The following GPRC5C variants were observed in gnomAD, a reference collection of about 807,000 sequenced individuals.
The protein encoded by GPRC5C is G protein-coupled receptor family C group 5 member C.
In GPRC5C, 22 loss-of-function variants were observed where a neutral mutation model predicts 31.4. That is an observed-to-expected ratio of 0.70 (90% CI 0.50 to 1.00). The LOEUF (loss-of-function observed/expected upper bound fraction) is 1.00, where lower values mean the gene tolerates loss of function less well. Ranked by LOEUF, GPRC5C falls within the 50% of genes least tolerant of loss-of-function variation. The pLI is 0.00. For missense variants in GPRC5C, 557 were observed against 597.2 expected, an observed-to-expected ratio of 0.93 and a Z score of 0.70; for synonymous variants, 249 against 257.5, an observed-to-expected ratio of 0.97 and a Z score of 0.32.
intron 1 of GPRC5C, 84 bp downstream of exon 1, chr17:74,432,225 T>TA (rs1452155301): frequency 1.3e-6 from 2 of 1,549,338 alleles, no homozygotes; most frequent in African/African-American, 2.7e-5. Flanking sequence ...GGCGCCCGAT[T>TA]AGCGCCCTGA....
chr17:74,443,900 G>GCACA lies in GPRC5C; in HGVS notation c.1135_1138dup (p.Lys380ThrfsTer33), dbSNP rs1567963534. 6.2e-7 allele frequency: 1 copy of GCACA among 1,610,674 alleles called. No individual in the cohort carries two copies. The highest frequency in any genetic ancestry group is 1.1e-5 in the South Asian group (1 of 90,916). Reference sequence around the variant, plus strand: ...ACCAGCCCACTGAGATGGCCCTGATGCACAAAGTTCCGGTAAGTGGGTTCC... The same window carrying GCACA: ...ACCAGCCCACTGAGATGGCCCTGATGCACACACAAAGTTCCGGTAAGTGGGTTCC... On this transcript the variant is annotated frameshift_variant, in exon 3 of 4. Coordinates refer to ENST00000392627, the MANE Select transcript of GPRC5C (RefSeq NM_022036.4). LOFTEE classifies it high-confidence loss of function.
chr17:74,439,998 C>A lies in GPRC5C; in HGVS notation c.222C>A (p.Ser74Arg). ...TGCTCACCATCATCCTGGTGGCCAG[C>A]CTCCCCTTTGTGCAGGACACCAAGA... is the stretch of plus-strand genomic sequence containing the variant. ...TFVLTIILVA[S>R]LPFVQDTKKR... Residue 74 changes from serine to arginine, a missense_variant, in exon 2 of 4, where the codon AGC (serine) becomes AGA (arginine). By Grantham distance (110) the Ser-to-Arg change is moderately radical. Coordinates refer to ENST00000392627, the MANE Select transcript of GPRC5C (RefSeq NM_022036.4). The A allele has an allele frequency of 6.2e-7, 1 of 1,609,836 alleles. No individual in the cohort carries two copies. Among genetic ancestry groups the A allele is most frequent in the Non-Finnish European group, 8.5e-7 (1 of 1,180,010 alleles).
chr17:74,449,065 G>A (rs7214092), downstream of GPRC5C: 37,141 of 401,448 alleles, frequency 0.093, 3,014 homozygotes, highest in African/African-American at 0.27. Context: ...TTTCTCCCCA[G>A]CTAGTCAGAA....
At chr17:74,438,636 C>A (rs1394743498) in intron 1 of GPRC5C, among the ~76,000 whole-genome samples, 2 of 151,990 alleles carry the variant, frequency 1.3e-5, no homozygotes, top group Non-Finnish European at 2.9e-5. Context: ...TGGACTCTAG[C>A]AATCTGTTCA....
chr17:74,443,375 G>A (rs2055573438), intron 2 of GPRC5C: 1 of 333,062 alleles, frequency 3.0e-6, no homozygotes, highest in Admixed American at 4.2e-5. Context: ...TAGGCCGAGG[G>A]CTCTCAGATG....
At chr17:74,436,458 C>T (rs2055432514) in intron 1 of GPRC5C, among the ~76,000 whole-genome samples, 1 of 152,192 alleles carries the variant, frequency 6.6e-6, no homozygotes, top group Admixed American at 6.5e-5. Context: ...TTCTGTGTTC[C>T]TGTAGCCCCT....
At chr17:74,450,321 A>G (rs1412224751), downstream of GPRC5C, 1 of 152,282 alleles carries the variant, frequency 6.6e-6, no homozygotes, top group Non-Finnish European at 1.5e-5. Flanking sequence ...TGGCTATTCC[A>G]ACATCTCTGG....
chr17:74,442,639 A>G (rs2055558481), intron 2 of GPRC5C, among the ~76,000 whole-genome samples: 1 of 152,234 alleles, frequency 6.6e-6, no homozygotes, highest in Admixed American at 6.5e-5. Flanking sequence ...CTGGGAGGTC[A>G]GAGTCAGGCA....
intron 1 of GPRC5C, among the ~76,000 whole-genome samples, chr17:74,437,094 C>A (rs993388464): frequency 1.3e-5 from 2 of 152,168 alleles, no homozygotes; most frequent in African/African-American, 4.8e-5. Flanking sequence ...CAGGCGCACG[C>A]CACCACACCT....
Position 74,440,119 on chromosome 17 carries a change from A to T in GPRC5C, c.343A>T (p.Thr115Ser), listed in dbSNP as rs1410150133. ...FACVVKPDFS[T>S]CASRRFLFGV... ...CTGTGTGGTGAAGCCCGACTTCTCC[A>T]CCTGTGCCTCTCGGCGCTTCCTCTT... Residue 115 changes from threonine (T) to serine (S), a missense_variant, in exon 2 of 4, where the codon ACC becomes TCC. Thr to Ser is a moderately conservative substitution (Grantham distance 58). Transcript: ENST00000392627. This position sits in a 1 kb window ranked among gnomAD's most constrained non-coding sequence, Gnocchi z 4.4. 1 of 1,613,606 alleles carries T rather than the reference A, an allele frequency of 6.2e-7. No individual in the cohort carries two copies. The highest frequency in any genetic ancestry group is 1.7e-5 in the Admixed American group (1 of 59,988).
downstream of GPRC5C, among the ~76,000 whole-genome samples, chr17:74,447,906 G>A (rs945495897): frequency 3.3e-5 from 5 of 152,364 alleles, no homozygotes; most frequent in East Asian, 1.9e-4. Context: ...CGTGTGATAC[G>A]TGCAAAGGAA....
rs1010979063 is a variant in GPRC5C, at chr17:74,441,232, G to A, written c.1051+405G>A. ...GCGGAGGTTGCAGTGAGCCAAAATCGAGCCACTACACTCCAGCCTGGGTGA... is the reference window on the plus strand; with the variant it reads ...GCGGAGGTTGCAGTGAGCCAAAATCAAGCCACTACACTCCAGCCTGGGTGA... On this transcript the variant is annotated intron_variant, in intron 2 of 3. Transcript: ENST00000392627. Among the ~76,000 whole-genome samples, 18 of 151,862 alleles carry A rather than the reference G, an allele frequency of 1.2e-4. No individual in the cohort carries two copies. The East Asian group carries it at 2.7e-3, about 23-fold the overall frequency.
chr17:74,439,900 C>T lies in GPRC5C; in HGVS notation c.124C>T (p.Leu42=), dbSNP rs140777720. 5 of 1,612,892 alleles carry T rather than the reference C, an allele frequency of 3.1e-6. No homozygotes were observed. In the African/African-American group the frequency reaches 5.3e-5, roughly 17 times the overall value. The change falls in exon 2 of 4, where the codon CTG becomes TTG. Residue 42 remains leucine (L), a synonymous_variant. Coordinates refer to ENST00000392627, the MANE Select transcript of GPRC5C (RefSeq NM_022036.4). ...AGGCCTCAACCCCCTGTACTACAACCTGTGTGACCGCTCTGGGGCGTGGGG... is the reference window on the plus strand; with the variant it reads ...AGGCCTCAACCCCCTGTACTACAACTTGTGTGACCGCTCTGGGGCGTGGGG... ...SQGLNPLYYN[L]CDRSGAWGIV...
chr17:74,437,786 A>T (rs1437702345), intron 1 of GPRC5C, among the ~76,000 whole-genome samples: 1 of 152,074 alleles, frequency 6.6e-6, no homozygotes, highest in African/African-American at 2.4e-5. Context: ...AATCCCCCTA[A>T]AAAAGGAAAA....
intron 2 of GPRC5C, among the ~76,000 whole-genome samples, chr17:74,441,618 T>A (rs1330753242): frequency 1.3e-5 from 2 of 152,078 alleles, no homozygotes; most frequent in African/African-American, 4.8e-5. Context: ...AGCCTAGGAG[T>A]TTGAGACCGG....
chr17:74,433,621 G>T (rs2144400141), intron 1 of GPRC5C: 2 of 1,109,212 alleles, frequency 1.8e-6, no homozygotes, highest in East Asian at 4.7e-5. Flanking sequence ...AAGGCTGTCA[G>T]TCGGGCCATC....
Position 74,440,085 on chromosome 17 carries a change from C to T in GPRC5C, c.309C>T (p.Leu103=), listed in dbSNP as rs148101331. 10 of 1,613,680 alleles carry T rather than the reference C, an allele frequency of 6.2e-6. No homozygotes were observed. In the African/African-American group the frequency reaches 6.7e-5, roughly 11 times the overall value. The change falls in exon 2 of 4, where the codon CTC becomes CTT. Residue 103 remains leucine, a synonymous_variant. Transcript: ENST00000392627. The surrounding 1 kb of genome is among the most constrained non-coding windows in gnomAD (Gnocchi z 4.4). The part of the protein sequence containing the change: ...FLLGTLGLFC[L]VFACVVKPDF... ...TGGGGACCCTGGGCCTCTTCTGCCT[C>T]GTGTTTGCCTGTGTGGTGAAGCCCG...
At chr17:74,433,692 C>A in intron 1 of GPRC5C, 1 of 1,609,702 alleles carries the variant, frequency 6.2e-7, no homozygotes, top group South Asian at 1.1e-5. Flanking sequence ...TCTGTGGTAT[C>A]CCTGGGGGAA....
chr17:74,437,611 A>G (rs912928424), intron 1 of GPRC5C, among the ~76,000 whole-genome samples: 1 of 149,482 alleles, frequency 6.7e-6, no homozygotes, highest in Non-Finnish European at 1.5e-5. Flanking sequence ...GTTCTTTCAC[A>G]TAACAATTAT....
Sources: allele counts gnomAD v4.1 joint callset (sites outside exome capture counted in the v4.1 genomes callset), GRCh38; gene constraint gnomAD v4.1.1; non-coding constraint Gnocchi (gnomAD v3.1); transcripts MANE v1.5; gene names NCBI Gene and HGNC (gene_info 2026-07-23, HGNC 2026-07-21).